The following NT5DC3 variants were observed in gnomAD, a reference collection of about 807,000 sequenced individuals.
The protein encoded by NT5DC3 is 5'-nucleotidase domain containing 3.
In NT5DC3, 42 loss-of-function variants were observed where a neutral mutation model predicts 67.8. The ratio of observed to expected loss-of-function variants is 0.62; its 90% CI spans 0.48 to 0.80. The LOEUF (loss-of-function observed/expected upper bound fraction) is 0.80, where lower values mean the gene tolerates loss of function less well. NT5DC3 is among the 30% of genes least tolerant of loss of function. The pLI is 0.00. For synonymous variants in NT5DC3, 237 were observed against 255.6 expected (o/e 0.93, Z 0.69); for missense variants, 570 against 696.4 (o/e 0.82, Z 2.04).
At chr12:103,750,798 AAAAC>A in the NT5DC3 span, 1 of 1,492,176 alleles carries the variant, frequency 6.7e-7, no homozygotes, top group East Asian at 2.4e-5. Flanking sequence ...GGAAAGAAGA[AAAAC>A]AAAACAGGCC....
In NT5DC3 at chr12:103,787,074, G is replaced by A. The variant is rs117284725; in HGVS notation, c.1188+367C>T. On this transcript the variant is annotated intron_variant, in intron 11 of 13. Coordinates refer to ENST00000392876, the MANE Select transcript of NT5DC3 (RefSeq NM_001031701.3). ...GCACATTCTTTTAAATATTCCCAAC[G>A]GTGGCAAACTTTCAAAGGTGGATTT... Among the ~76,000 whole-genome samples, 1,493 of 152,056 alleles carry A rather than the reference G, an allele frequency of 9.8e-3. 12 individuals carry two copies. The highest frequency in any genetic ancestry group is 0.016 in the Non-Finnish European group (1,077 of 67,986).
At chr12:103,765,705 C>T (rs1341059700), downstream of NT5DC3, among the ~76,000 whole-genome samples, 13 of 152,052 alleles carry the variant, frequency 8.5e-5, no homozygotes. Context: ...CATGTGCCAC[C>T]TAATTTTTGT....
At chr12:103,770,113 C>T (rs1885147943), downstream of NT5DC3, among the ~76,000 whole-genome samples, 2 of 152,182 alleles carry the variant, frequency 1.3e-5, no homozygotes, top group African/African-American at 4.8e-5. Flanking sequence ...GGCCTATCCT[C>T]ACACGATTTT....
At chr12:103,764,685 G>A in the NT5DC3 span, among the ~76,000 whole-genome samples, 1 of 152,150 alleles carries the variant, frequency 6.6e-6, no homozygotes, top group Non-Finnish European at 1.5e-5. Context: ...TAAATATCTT[G>A]TGGTTCTTCA....
At chr12:103,803,087 T>C (rs745762016) in intron 4 of NT5DC3, among the ~76,000 whole-genome samples, 5 of 152,086 alleles carry the variant, frequency 3.3e-5, no homozygotes, top group Non-Finnish European at 7.4e-5. Context: ...AGAGACAGAA[T>C]AGAGAGACCT....
At chr12:103,762,235 A>C in the NT5DC3 span, 2 of 1,607,660 alleles carry the variant, frequency 1.2e-6, no homozygotes, top group African/African-American at 2.7e-5. Context: ...GGGAGTCAGA[A>C]GTTTTAAGAA....
At chr12:103,829,049 T>A (rs1017955601) in intron 1 of NT5DC3, among the ~76,000 whole-genome samples, 1 of 152,204 alleles carries the variant, frequency 6.6e-6, no homozygotes, top group Non-Finnish European at 1.5e-5. Context: ...TCCCTACAAG[T>A]AATCTATAGT....
downstream of NT5DC3, chr12:103,766,123 C>G (rs767053478): frequency 1.6e-5 from 15 of 954,654 alleles, no homozygotes; most frequent in African/African-American, 2.1e-4. Flanking sequence ...CCCAGCCCAT[C>G]CTGCCTCCCA....
intron 2 of NT5DC3, among the ~76,000 whole-genome samples, chr12:103,810,100 C>T (rs2139403892): frequency 6.6e-6 from 1 of 152,322 alleles, no homozygotes; most frequent in Non-Finnish European, 1.5e-5. Flanking sequence ...AGTGGCTTCG[C>T]TGGATTGAGA....
the NT5DC3 span, chr12:103,755,150 T>C: frequency 9.6e-7 from 1 of 1,040,324 alleles, no homozygotes; most frequent in Non-Finnish European, 1.4e-6. Flanking sequence ...CAACATCTAA[T>C]GACCACCTAC....
chr12:103,753,752 G>A, the NT5DC3 span, among the ~76,000 whole-genome samples: 1 of 152,162 alleles, frequency 6.6e-6, no homozygotes. Flanking sequence ...CAACTGCCAA[G>A]GCAGAAGTGG....
rs944938923 is a variant in NT5DC3, at chr12:103,841,017, G to A, written c.140C>T (p.Pro47Leu). Residue 47 changes from proline to leucine, a missense_variant, in exon 1 of 14, where the codon CCC becomes CTC. By Grantham distance (98) the Pro-to-Leu change is moderately conservative. Coordinates refer to ENST00000392876, the MANE Select transcript of NT5DC3 (RefSeq NM_001031701.3). ...AGPARPLCTA[P>L]GTAPDMKRYL... ...GCGCTTCATGTCCGGGGCGGTCCCG[G>A]GTGCAGTGCACAAGGGCCGGGCGGG... 22 of 1,293,250 alleles carry A rather than the reference G, an allele frequency of 1.7e-5. No individual in the cohort carries two copies. In the African/African-American group the frequency reaches 3.2e-4, roughly 19 times the overall value. The allele number at this position is 1,293,250 out of a possible 1,614,324, so 80.1% of individuals were successfully genotyped here.
At chr12:103,818,133 A>G (rs1887341168) in intron 1 of NT5DC3, among the ~76,000 whole-genome samples, 1 of 152,208 alleles carries the variant, frequency 6.6e-6, no homozygotes, top group African/African-American at 2.4e-5. Flanking sequence ...CATCCCCTAA[A>G]GCCTATTCAT....
At chr12:103,834,394 T>C (rs946930486) in intron 1 of NT5DC3, among the ~76,000 whole-genome samples, 3 of 152,144 alleles carry the variant, frequency 2.0e-5, no homozygotes, top group Non-Finnish European at 4.4e-5. Context: ...TAACCAGTAC[T>C]CCTCAAAACT....
intron 1 of NT5DC3, among the ~76,000 whole-genome samples, chr12:103,835,164 T>A (rs1019849272): frequency 1.3e-5 from 2 of 152,198 alleles, no homozygotes; most frequent in African/African-American, 2.4e-5. Context: ...CTCATCCAAC[T>A]GTGAACCAGC....
the NT5DC3 span, chr12:103,755,644 G>A: frequency 1.9e-6 from 3 of 1,614,136 alleles, no homozygotes; most frequent in Non-Finnish European, 2.5e-6. Flanking sequence ...GGGCTATGTG[G>A]GAGATGGCTT....
the NT5DC3 span, chr12:103,763,368 C>T: frequency 1.4e-6 from 1 of 722,102 alleles, no homozygotes; most frequent in Non-Finnish European, 2.4e-6. Context: ...CATCTCTCAA[C>T]AAAGTACTGT....
chr12:103,793,386 G>A, intron 8 of NT5DC3, 24 bp downstream of exon 8: 1 of 1,588,764 alleles, frequency 6.3e-7, no homozygotes, highest in Non-Finnish European at 8.6e-7. Flanking sequence ...CCAGAAGCTA[G>A]CAATGAAACA....
chr12:103,776,727 CA>C lies in NT5DC3; in HGVS notation c.*1101del, dbSNP rs1885355315. On this transcript the variant is annotated 3_prime_UTR_variant, in exon 14 of 14. Transcript: ENST00000392876. The stretch of plus-strand genomic sequence containing the variant: ...CTCCCAAATAGTCGCACAAACATCA[CA>C]GGAGTGAAATCTAAGAGAAGGCTGG... The C allele has an allele frequency of 2.7e-5, 4 of 150,456 alleles. No individual in the cohort carries two copies. The South Asian group carries it at 8.4e-4, about 32-fold the overall frequency. 9.3% of individuals were successfully genotyped at this position (150,456 alleles called of 1,614,324 possible). A position where few individuals can be genotyped will look rare whatever the true frequency, so the allele number is the denominator to read the frequency against.
Sources: gnomAD v4.1 joint callset for allele counts (sites outside exome capture counted in the v4.1 genomes callset) on GRCh38, gnomAD v4.1.1 for gene constraint, MANE v1.5 for transcripts, NCBI Gene and HGNC (gene_info 2026-07-23, HGNC 2026-07-21) for gene names.